The following STAG3 variants were observed in gnomAD, a reference collection of about 807,000 sequenced individuals.
STAG3 encodes the protein cohesin subunit SA-3.
Under a neutral mutation model 160.7 loss-of-function variants are expected in STAG3, and 101 were observed. That is an observed-to-expected ratio of 0.63 (90% CI 0.54 to 0.74). STAG3 has a LOEUF of 0.74. STAG3 is among the 30% of genes least tolerant of loss of function. The pLI is 0.00. For missense variants in STAG3, 1,188 were observed against 1,517.4 expected, an observed-to-expected ratio of 0.78 and a Z score of 3.61; for synonymous variants, 519 against 585.0, an observed-to-expected ratio of 0.89 and a Z score of 1.63.
rs1181081612 is a variant in STAG3, at chr7:100,204,712, G to A, written c.2888G>A (p.Arg963Lys). The change falls in exon 27 of 34, where the codon AGG becomes AAG. Residue 963 changes from arginine to lysine, a missense_variant. By Grantham distance (26) the Arg-to-Lys change is conservative. This residue lies in a region of STAG3 where 647 missense variants were observed against 717.2 expected (regional missense o/e 0.90). Transcript: ENST00000615138. ...ATCGAGATGAGGGACCTGGCCCGGA[G>A]GTTTGCCTTGAGTTTTGGACCCCAG... Reference protein sequence around the residue: ...AFIEMRDLARRFALSFGPQQL... With the variant: ...AFIEMRDLARKFALSFGPQQL... The A allele has an allele frequency of 3.1e-6, 5 of 1,614,138 alleles. No homozygotes were observed. Among genetic ancestry groups the A allele is most frequent in the Non-Finnish European group, 4.2e-6 (5 of 1,180,018 alleles).
intron 8 of STAG3, among the ~76,000 whole-genome samples, chr7:100,193,719 G>C (rs1800482882): frequency 6.6e-6 from 1 of 152,214 alleles, no homozygotes; most frequent in Admixed American, 6.5e-5. Context: ...TTTGGCCAAA[G>C]GGAATGTTGT....
chr7:100,188,663 T>C, intron 6 of STAG3, 134 bp downstream of exon 6: 3 of 1,095,984 alleles, frequency 2.7e-6, no homozygotes, highest in Non-Finnish European at 4.2e-6. Flanking sequence ...GTAAAAGAGA[T>C]CTGAATATGC....
chr7:100,199,233 A>T, intron 14 of STAG3, 29 bp from the exon 15 acceptor site: 1 of 1,470,980 alleles, frequency 6.8e-7, no homozygotes, highest in South Asian at 1.1e-5. Context: ...ACATGCTATC[A>T]TTAACTCCCC....
chr7:100,211,407 C>T (rs1333073936), intron 30 of STAG3, 28 bp from the exon 31 acceptor site: 12 of 1,606,598 alleles, frequency 7.5e-6, no homozygotes, highest in Non-Finnish European at 1.0e-5. Context: ...TGATTTTTAT[C>T]CCATCATTGA....
At chr7:100,195,536 A>G (rs181324763) in intron 9 of STAG3, among the ~76,000 whole-genome samples, 154 bp downstream of exon 9, 3 of 152,306 alleles carry the variant, frequency 2.0e-5, no homozygotes, top group East Asian at 1.9e-4. Context: ...AAATGTTTCA[A>G]ATTGGTGAGG....
intron 33 of STAG3, 98 bp downstream of exon 33, chr7:100,213,904 C>T: frequency 1.9e-6 from 3 of 1,612,950 alleles, no homozygotes; most frequent in Non-Finnish European, 2.5e-6. Context: ...GGGGGTGGCC[C>T]TCTGGGCTGT....
rs145456455 is a variant in STAG3 at position 100,182,150 on chromosome 7, T to C, written c.177T>C (p.Asn59=). ...DTDFEDSLNR[N]VKKRAAKRPP... Reference sequence around the variant, plus strand: ...ACTTTGAAGACAGCTTGAATCGCAATGTGAAGAAGAGAGCAGCAAAACGAC... The same window carrying C: ...ACTTTGAAGACAGCTTGAATCGCAACGTGAAGAAGAGAGCAGCAAAACGAC... The change falls in exon 3 of 34, where the codon AAT becomes AAC. Residue 59 remains asparagine, a synonymous_variant. Transcript: ENST00000615138. 1.4e-5 allele frequency: 23 copies of C among 1,613,126 alleles called. No individual in the cohort carries two copies. In the African/African-American group the frequency reaches 2.4e-4, roughly 17 times the overall value.
chr7:100,187,700 G>C (rs1459775081), intron 5 of STAG3, among the ~76,000 whole-genome samples: 1 of 151,494 alleles, frequency 6.6e-6, no homozygotes, highest in Non-Finnish European at 1.5e-5. Flanking sequence ...TGAGGGACTT[G>C]ATAGCCTCAG....
rs1056694607 is a variant in STAG3 at position 100,213,575 on chromosome 7, G to C, written c.3601-160G>C. ...CAAGAAGCGCTCTGCAGTCAGGCCT[G>C]ATCCTGGTGCCCACACTGACTTCCC... On this transcript the variant is annotated intron_variant, in intron 32 of 33. Transcript: ENST00000615138. 21 of 985,308 alleles carry C rather than the reference G, an allele frequency of 2.1e-5. No individual in the cohort carries two copies. The African/African-American group carries it at 3.3e-4, about 16-fold the overall frequency. 61.0% of individuals were successfully genotyped at this position (985,308 alleles called of 1,614,324 possible). A position where few individuals can be genotyped will look rare whatever the true frequency, so the allele number is the denominator to read the frequency against.
chr7:100,192,069 C>T (rs572680342), intron 8 of STAG3, among the ~76,000 whole-genome samples: 2 of 152,230 alleles, frequency 1.3e-5, no homozygotes, highest in South Asian at 4.1e-4. Flanking sequence ...GTCTCTACTT[C>T]TAGTTCTCTT....
chr7:100,218,469 TTGTC>T (rs1802960269), downstream of STAG3: 1 of 228,634 alleles, frequency 4.4e-6, no homozygotes. Context: ...CTGCTGGGCA[TTGTC>T]TGTTAATATT....
intron 29 of STAG3, among the ~76,000 whole-genome samples, chr7:100,206,836 A>G (rs780404884): frequency 6.6e-6 from 1 of 152,156 alleles, no homozygotes; most frequent in South Asian, 2.1e-4. Flanking sequence ...ACAACTATCT[A>G]ATTTTAGAAC....
intron 8 of STAG3, 34 bp from the exon 9 acceptor site, chr7:100,195,275 A>G: frequency 6.2e-7 from 1 of 1,600,494 alleles, no homozygotes; most frequent in African/African-American, 1.3e-5. Flanking sequence ...GTTAGGGTAC[A>G]AGAAAGATTA....
downstream of STAG3, chr7:100,215,068 C>T (rs1211051284): frequency 6.6e-6 from 1 of 152,250 alleles, no homozygotes; most frequent in African/African-American, 2.4e-5. Context: ...CACCTCTGTT[C>T]TCTCTTGTCC....
intron 8 of STAG3, 117 bp downstream of exon 8, chr7:100,189,713 C>G: frequency 1.6e-6 from 2 of 1,225,830 alleles, no homozygotes; most frequent in Non-Finnish European, 2.3e-6. Context: ...TGGAGTCTGG[C>G]AATAGTTTCA....
Position 100,201,158 on chromosome 7 carries a change from C to G in STAG3, c.2130C>G (p.Tyr710Ter). ...AATLKRLSAFYNTHDLTRWEL... is the reference protein window; with the variant it reads ...AATLKRLSAF ...CTCTGAAACGCCTCTCTGCCTTCTACAAGTGAGTGGCTTTCCTCCTCTTCC... is the reference window on the plus strand; with the variant it reads ...CTCTGAAACGCCTCTCTGCCTTCTAGAAGTGAGTGGCTTTCCTCCTCTTCC... Residue 710 changes from tyrosine to a stop codon, truncating the protein, a stop_gained and splice_region_variant, in exon 20 of 34, where the codon TAC (tyrosine) becomes TAG (stop). Transcript: ENST00000615138. LOFTEE classifies it high-confidence loss of function. The G allele has an allele frequency of 1.2e-6, 2 of 1,614,228 alleles. No individual in the cohort carries two copies. The highest frequency in any genetic ancestry group is 1.7e-6 in the Non-Finnish European group (2 of 1,180,034).
intron 1 of STAG3, among the ~76,000 whole-genome samples, chr7:100,180,169 C>T (rs968668326): frequency 1.5e-4 from 23 of 152,296 alleles, no homozygotes; most frequent in African/African-American, 5.5e-4. Flanking sequence ...AATCCTCCCA[C>T]CTCAGCCTCC....
At chr7:100,210,088 AGAG>A (rs1250982460) in intron 29 of STAG3, among the ~76,000 whole-genome samples, 3 of 152,190 alleles carry the variant, frequency 2.0e-5, no homozygotes, top group Non-Finnish European at 2.9e-5. Context: ...AAGATGGAGA[AGAG>A]GAGAGACTCA....
Position 100,191,385 on chromosome 7 carries a change from C to G in STAG3, c.867+1789C>G, listed in dbSNP as rs550265404. Among the ~76,000 whole-genome samples, 41 of 152,280 alleles carry G rather than the reference C, an allele frequency of 2.7e-4. No individual in the cohort carries two copies. In the South Asian group the frequency reaches 7.7e-3, roughly 28 times the overall value. ...TTTTCCAAATTGTTAGAAACATATA[C>G]GGGCATCATACCTCAAAGATATTGC... On this transcript the variant is annotated intron_variant, in intron 8 of 33. Transcript: ENST00000615138.
Sources: allele counts gnomAD v4.1 joint callset (sites outside exome capture counted in the v4.1 genomes callset), GRCh38; gene constraint gnomAD v4.1.1; regional missense constraint gnomAD v4.1.1; transcripts MANE v1.5; gene names NCBI Gene and HGNC (gene_info 2026-07-23, HGNC 2026-07-21).